Variants in TSHZ2 observed in about 807,000 individuals in gnomAD.
The protein encoded by TSHZ2 is teashirt homolog 2.
A neutral mutation model predicts 74.4 loss-of-function variants in TSHZ2; 21 were observed. The ratio of observed to expected loss-of-function variants is 0.28; its 90% CI spans 0.20 to 0.41. The LOEUF is 0.41. Among genes scored for constraint, TSHZ2 ranks in the 10% least tolerant of loss-of-function variants. The probability of loss-of-function intolerance (pLI) is 1.00; values close to 1 mark genes in which losing one functional copy is unlikely to be tolerated. For synonymous variants in TSHZ2, 540 were observed against 515.3 expected, an observed-to-expected ratio of 1.05 and a Z score of -0.65; for missense variants, 1,244 against 1,293.5, an observed-to-expected ratio of 0.96 and a Z score of 0.59.
At chr20:53,211,729 G>A (rs1218199685) in intron 1 of TSHZ2, among the ~76,000 whole-genome samples, 1 of 151,996 alleles carries the variant, frequency 6.6e-6, no homozygotes, top group East Asian at 1.9e-4. Flanking sequence ...CAATAATAAA[G>A]AAGAACTTTT....
intron 2 of TSHZ2, among the ~76,000 whole-genome samples, chr20:53,350,438 G>T (rs1980604607): frequency 6.6e-6 from 1 of 152,192 alleles, no homozygotes; most frequent in Non-Finnish European, 1.5e-5. Flanking sequence ...GCTTTGTAAG[G>T]ATTTTGTTAT....
intron 2 of TSHZ2, among the ~76,000 whole-genome samples, chr20:53,406,080 A>G (rs900873716): frequency 2.0e-5 from 3 of 152,212 alleles, no homozygotes; most frequent in African/African-American, 7.2e-5. Flanking sequence ...TGATGAAGGC[A>G]TCTCTGAGGT....
chr20:53,156,772 A>T (rs1428714743), intron 1 of TSHZ2, among the ~76,000 whole-genome samples: 1 of 152,026 alleles, frequency 6.6e-6, no homozygotes, highest in Non-Finnish European at 1.5e-5. Context: ...CTTTTTCTTA[A>T]TTTTTTTTCT....
chr20:53,182,249 T>TTTCCTTCCTTCCTTCCTTCC (rs61598200), intron 1 of TSHZ2, among the ~76,000 whole-genome samples: 1 of 143,444 alleles, frequency 7.0e-6, no homozygotes, highest in African/African-American at 2.8e-5. Context: ...TCCTTCCTTC[T>TTTCCTTCCTTCCTTCCTTCC]ATCATTTTTT....
chr20:53,040,082 G>C (rs1983981694), intron 1 of TSHZ2, among the ~76,000 whole-genome samples: 4 of 152,152 alleles, frequency 2.6e-5, no homozygotes, highest in Admixed American at 2.6e-4. Flanking sequence ...CTCCAGCCTG[G>C]AGACAGAGCA....
At chr20:53,068,906 C>T (rs1985081306) in intron 1 of TSHZ2, among the ~76,000 whole-genome samples, 1 of 150,764 alleles carries the variant, frequency 6.6e-6, no homozygotes, top group African/African-American at 2.4e-5. Flanking sequence ...GAGGCAATGA[C>T]TGTGAGAACT....
chr20:53,140,539 C>CAAAA (rs34045440), intron 1 of TSHZ2, among the ~76,000 whole-genome samples: 24 of 79,772 alleles, frequency 3.0e-4, no homozygotes, highest in African/African-American at 9.2e-4. Context: ...GACTCCGTCT[C>CAAAA]AAAAAAAAAA....
intron 1 of TSHZ2, among the ~76,000 whole-genome samples, chr20:53,091,919 G>A (rs1215639852): frequency 6.6e-6 from 1 of 152,056 alleles, no homozygotes; most frequent in African/African-American, 2.4e-5. Context: ...GGTGGTACCC[G>A]CCTGTTGTAC....
Position 53,256,536 on chromosome 20 carries a change from G to A in TSHZ2, c.3078G>A (p.Gln1026=). The change falls in exon 2 of 3, where the codon CAG becomes CAA. Residue 1026 remains glutamine (Q), a synonymous_variant. Transcript: ENST00000371497. The surrounding 1 kb of genome is among the most constrained non-coding windows in gnomAD (Gnocchi z 4.3). ...GCAAGTCACCCGAACACCATTCACA[G>A]TTTGTAACAGACGTGGATGAAGAAT... ...THSKSPEHHS[Q]FVTDVDEE 1 of 1,598,774 alleles carries A rather than the reference G, an allele frequency of 6.3e-7. No homozygotes were observed. The highest frequency in any genetic ancestry group is 8.5e-7 in the Non-Finnish European group (1 of 1,169,606).
At chr20:53,104,851 G>T (rs559116514) in intron 1 of TSHZ2, among the ~76,000 whole-genome samples, 3 of 152,122 alleles carry the variant, frequency 2.0e-5, no homozygotes, top group Non-Finnish European at 4.4e-5. Context: ...AGCAATTACC[G>T]TTGCCCCATC....
rs1990421223 is a variant in TSHZ2, at chr20:53,254,633, T to G, written c.1175T>G (p.Leu392Trp). The change falls in exon 2 of 3, where the codon TTG becomes TGG. Residue 392 changes from leucine to tryptophan, a missense_variant. This residue lies in a region of TSHZ2 where 18 missense variants were observed against 42.1 expected (regional missense o/e 0.43). Coordinates refer to ENST00000371497, the MANE Select transcript of TSHZ2 (RefSeq NM_173485.6). ...CMECGSSHDTLQQLTTHMMVT... is the reference protein window; with the variant it reads ...CMECGSSHDTWQQLTTHMMVT... ...GAGTGTGGGAGCTCCCATGACACCT[T>G]GCAGCAGCTCACCACCCACATGATG... The G allele has an allele frequency of 6.2e-7, 1 of 1,614,038 alleles. No individual in the cohort carries two copies. Among genetic ancestry groups the G allele is most frequent in the African/African-American group, 1.3e-5 (1 of 75,022 alleles).
At chr20:53,165,235 C>A (rs1988039632) in intron 1 of TSHZ2, among the ~76,000 whole-genome samples, 1 of 152,188 alleles carries the variant, frequency 6.6e-6, no homozygotes, top group Non-Finnish European at 1.5e-5. Context: ...CATTTCATTC[C>A]CATTCAATCT....
intron 2 of TSHZ2, among the ~76,000 whole-genome samples, chr20:53,478,709 A>G (rs1986061327): frequency 6.6e-6 from 1 of 151,884 alleles, no homozygotes; most frequent in African/African-American, 2.4e-5. Flanking sequence ...ATCAGATTAA[A>G]AAAAAGAAAG....
At chr20:53,454,066 CTT>C (rs1984941647) in intron 2 of TSHZ2, among the ~76,000 whole-genome samples, 1 of 152,192 alleles carries the variant, frequency 6.6e-6, no homozygotes, top group Non-Finnish European at 1.5e-5. Context: ...AATGTCATCT[CTT>C]GTCTTTGCCA....
At chr20:53,402,807 G>C (rs1006273512) in intron 2 of TSHZ2, among the ~76,000 whole-genome samples, 1 of 152,162 alleles carries the variant, frequency 6.6e-6, no homozygotes, top group Admixed American at 6.5e-5. Flanking sequence ...TGCCCCAAGT[G>C]GGGTGGAGGA....
At chr20:53,261,726 G>A (rs1990604241) in intron 2 of TSHZ2, among the ~76,000 whole-genome samples, 1 of 152,078 alleles carries the variant, frequency 6.6e-6, no homozygotes, top group African/African-American at 2.4e-5. Context: ...ACTCCAATCT[G>A]CCATCAGTAT....
At chr20:53,481,931 T>TTCATC (rs1986158647) in intron 2 of TSHZ2, among the ~76,000 whole-genome samples, 1 of 151,760 alleles carries the variant, frequency 6.6e-6, no homozygotes. Flanking sequence ...TGGAGAAAGC[T>TTCATC]TCATCTCTAC....
At chr20:53,090,099 G>C (rs730052) in intron 1 of TSHZ2, among the ~76,000 whole-genome samples, 10,284 of 152,292 alleles carry the variant, frequency 0.068, 795 homozygotes, top group African/African-American at 0.19. Flanking sequence ...GAGTCCAAAA[G>C]CTGAAGAACT....
At position 53,466,529 on chromosome 20, in the gene TSHZ2, A is replaced by T. The variant is rs560908361; in HGVS notation, c.*9-20615A>T. On this transcript the variant is annotated intron_variant, in intron 2 of 2. Transcript: ENST00000371497. ...GGACTTTAAGCTGTCCAGGTTGTTT[A>T]TGGTGGTGTTTGCCAGCATGTAGAC... 9.2e-5 allele frequency among the ~76,000 whole-genome samples: 14 copies of T among 152,290 alleles called. No individual in the cohort carries two copies. In the South Asian group the frequency reaches 1.7e-3, roughly 18 times the overall value.
Sources: gnomAD v4.1 joint callset for allele counts (sites outside exome capture counted in the v4.1 genomes callset) on GRCh38, gnomAD v4.1.1 for gene constraint, gnomAD v4.1.1 regional missense constraint, Gnocchi (gnomAD v3.1) non-coding constraint, MANE v1.5 for transcripts, NCBI Gene and HGNC (gene_info 2026-07-23, HGNC 2026-07-21) for gene names.